The following TRIM55 variants were observed in gnomAD, a reference collection of about 807,000 sequenced individuals.
TRIM55 encodes tripartite motif-containing protein 55.
TRIM55 carries 50 observed loss-of-function variants against 60.9 expected under a neutral mutation model. That is an observed-to-expected ratio of 0.82 (90% CI 0.65 to 1.04). The LOEUF (loss-of-function observed/expected upper bound fraction) is 1.04. Ranked by LOEUF, TRIM55 falls within the 50% of genes least tolerant of loss-of-function variation. The pLI, the probability that TRIM55 is intolerant of heterozygous loss-of-function variation, is 0.00. For synonymous variants in TRIM55, 237 were observed against 238.1 expected, an observed-to-expected ratio of 1.00 and a Z score of 0.04; for missense variants, 681 against 666.9, an observed-to-expected ratio of 1.02 and a Z score of -0.23.
chr8:66,159,225 A>G (rs139708949), intron 9 of TRIM55, among the ~76,000 whole-genome samples: 1 of 152,264 alleles, frequency 6.6e-6, no homozygotes, highest in East Asian at 1.9e-4. Flanking sequence ...GCAACCACTG[A>G]TGTGTTTGAT....
At chr8:66,122,809 C>A (rs1356460414), upstream of TRIM55, among the ~76,000 whole-genome samples, 1 of 152,178 alleles carries the variant, frequency 6.6e-6, no homozygotes, top group African/African-American at 2.4e-5. Flanking sequence ...AACAAACAGA[C>A]TCTTTGTAGC....
At chr8:66,136,949 C>G (rs1809511577) in intron 3 of TRIM55, 146 bp from the exon 4 acceptor site, 1 of 555,394 alleles carries the variant, frequency 1.8e-6, no homozygotes, top group Non-Finnish European at 3.1e-6. Context: ...CTTGCAATAT[C>G]AGAAGGTCCA....
the TRIM55 span, among the ~76,000 whole-genome samples, chr8:66,120,643 G>A: frequency 6.6e-6 from 1 of 152,176 alleles, no homozygotes; most frequent in Admixed American, 6.5e-5. Context: ...CACTCTGTGT[G>A]CATTGTTACA....
At chr8:66,165,070 A>G (rs948269661) in intron 9 of TRIM55, among the ~76,000 whole-genome samples, 1 of 152,016 alleles carries the variant, frequency 6.6e-6, no homozygotes, top group Non-Finnish European at 1.5e-5. Context: ...CCCAGGGTTT[A>G]TTTCCCAGTC....
chr8:66,150,673 CTTT>C (rs201862185), intron 7 of TRIM55, among the ~76,000 whole-genome samples: 2 of 142,042 alleles, frequency 1.4e-5, no homozygotes, highest in Non-Finnish European at 1.5e-5. Context: ...CATATGGTGC[CTTT>C]TTTTTTTTTT....
the TRIM55 span, among the ~76,000 whole-genome samples, chr8:66,114,250 C>T: frequency 3.3e-5 from 5 of 152,252 alleles, no homozygotes; most frequent in Non-Finnish European, 5.9e-5. Context: ...GGATCGATGC[C>T]CGCATCCTCC....
chr8:66,150,459 T>G lies in TRIM55; in HGVS notation c.978T>G (p.Phe326Leu), dbSNP rs1198880675. 6.2e-7 allele frequency: 1 copy of G among 1,614,104 alleles called. No individual in the cohort carries two copies. ...AAAAGATAATACGTGAAATTGACTT[T>G]TACAGAGGTTTGTTATTCTTTTGAC... ...REEKIIREID[F>L]YREDEDEEEE... The change falls in exon 7 of 10, where the codon TTT becomes TTG. Residue 326 changes from phenylalanine to leucine, a missense_variant. Transcript: ENST00000315962.
the TRIM55 span, among the ~76,000 whole-genome samples, chr8:66,114,233 GGT>G: frequency 6.6e-6 from 1 of 152,188 alleles, no homozygotes; most frequent in Non-Finnish European, 1.5e-5. Context: ...GCATGCGAGA[GGT>G]AGCGGGATCG....
chr8:66,163,816 A>G (rs1276176801), intron 9 of TRIM55, among the ~76,000 whole-genome samples: 1 of 152,206 alleles, frequency 6.6e-6, no homozygotes, highest in African/African-American at 2.4e-5. Flanking sequence ...GTTTAAGTCT[A>G]CTATGTCCAT....
intron 2 of TRIM55, among the ~76,000 whole-genome samples, chr8:66,133,922 C>CACACAT (rs1223395890): frequency 5.9e-5 from 9 of 152,102 alleles, no homozygotes; most frequent in Admixed American, 5.9e-4. Flanking sequence ...TATGTATATA[C>CACACAT]ACACATACAC....
chr8:66,133,115 C>A (rs1367427040), intron 2 of TRIM55, among the ~76,000 whole-genome samples: 1 of 152,118 alleles, frequency 6.6e-6, no homozygotes, highest in Non-Finnish European at 1.5e-5. Context: ...CAGGCAGAGA[C>A]CAACTTGCCA....
At chr8:66,129,468 A>G (rs1563632683) in intron 2 of TRIM55, among the ~76,000 whole-genome samples, 1 of 152,244 alleles carries the variant, frequency 6.6e-6, no homozygotes, top group South Asian at 2.1e-4. Context: ...TATAAATCTA[A>G]CATAATTATT....
intron 9 of TRIM55, among the ~76,000 whole-genome samples, chr8:66,165,902 A>T (rs943143654): frequency 6.6e-6 from 1 of 152,060 alleles, no homozygotes; most frequent in African/African-American, 2.4e-5. Flanking sequence ...CATTAACATT[A>T]TTAATGCTTT....
chr8:66,113,414 A>G, the TRIM55 span: 1 of 431,564 alleles, frequency 2.3e-6, no homozygotes, highest in Non-Finnish European at 4.7e-6. Flanking sequence ...CTACTTCCTC[A>G]GCAGGAGACA....
intron 7 of TRIM55, among the ~76,000 whole-genome samples, chr8:66,151,137 TGTGGGTTA>T (rs1363214665): frequency 3.3e-5 from 5 of 152,274 alleles, no homozygotes; most frequent in South Asian, 2.1e-4. Context: ...ATAGGAGGCA[TGTGGGTTA>T]GATATTGCAG....
intron 9 of TRIM55, among the ~76,000 whole-genome samples, chr8:66,167,305 C>T (rs1003167548): frequency 4.6e-5 from 7 of 152,304 alleles, no homozygotes; most frequent in South Asian, 4.1e-4. Flanking sequence ...GTTTGCCTAA[C>T]GCAATGTAAG....
chr8:66,166,496 C>T (rs538237049), intron 9 of TRIM55, among the ~76,000 whole-genome samples: 1 of 152,260 alleles, frequency 6.6e-6, no homozygotes, highest in South Asian at 2.1e-4. Flanking sequence ...CATGGTACAC[C>T]TCTTCTTCCA....
intron 9 of TRIM55, among the ~76,000 whole-genome samples, chr8:66,170,375 G>A (rs138320094): frequency 5.2e-4 from 79 of 152,180 alleles, no homozygotes; most frequent in Non-Finnish European, 9.3e-4. Context: ...TTAGCATAAG[G>A]TCCTCAAGGT....
intron 4 of TRIM55, among the ~76,000 whole-genome samples, chr8:66,148,761 G>T (rs538068418): frequency 2.6e-5 from 4 of 152,080 alleles, no homozygotes; most frequent in Non-Finnish European, 5.9e-5. Flanking sequence ...AAAAAAACAT[G>T]ATTAAGGCCG....
Sources: allele counts gnomAD v4.1 joint callset (sites outside exome capture counted in the v4.1 genomes callset), GRCh38; gene constraint gnomAD v4.1.1; transcripts MANE v1.5; gene names NCBI Gene and HGNC (gene_info 2026-07-23, HGNC 2026-07-21).